The following PTCHD4 variants were observed in gnomAD, a reference collection of about 807,000 sequenced individuals.
The protein encoded by PTCHD4 is patched domain-containing protein 4.
In PTCHD4, 33 loss-of-function variants were observed where a neutral mutation model predicts 58.1. The ratio of observed to expected loss-of-function variants is 0.57; its 90% confidence interval spans 0.43 to 0.76. The LOEUF (loss-of-function observed/expected upper bound fraction) is 0.76, where lower values mean the gene tolerates loss of function less well. Ranked by LOEUF, PTCHD4 falls within the 30% of genes least tolerant of loss-of-function variation. The pLI is 0.00. For missense variants in PTCHD4, 1,058 were observed against 1,027.1 expected, an observed-to-expected ratio of 1.03 and a Z score of -0.41; for synonymous variants, 478 against 409.6, an observed-to-expected ratio of 1.17 and a Z score of -2.02.
intron 4 of PTCHD4, among the ~76,000 whole-genome samples, chr6:47,916,566 G>C (rs1050051065): frequency 6.6e-6 from 1 of 152,074 alleles, no homozygotes; most frequent in African/African-American, 2.4e-5. Context: ...ACCTAGAAAA[G>C]GGGGGCAGAA....
chr6:47,987,708 T>C (rs12204184), intron 4 of PTCHD4, among the ~76,000 whole-genome samples: 40,621 of 152,000 alleles, frequency 0.27, 5,552 homozygotes, highest in South Asian at 0.35. Flanking sequence ...AAACTTGGAT[T>C]TCCAAAGCCA....
At chr6:48,018,954 A>G (rs1762961738) in intron 3 of PTCHD4, among the ~76,000 whole-genome samples, 1 of 152,210 alleles carries the variant, frequency 6.6e-6, no homozygotes, top group African/African-American at 2.4e-5. Context: ...GGACTAAGAA[A>G]TTCTCTTCTA....
chr6:48,106,676 A>G (rs1025537695), intron 1 of PTCHD4, among the ~76,000 whole-genome samples: 29 of 152,348 alleles, frequency 1.9e-4, no homozygotes, highest in African/African-American at 6.5e-4. Context: ...CTGTTTGCAG[A>G]TGACATGATT....
chr6:47,865,262 C>G lies in PTCHD4; in HGVS notation c.*13041G>C, dbSNP rs1180852278. On this transcript the variant is annotated 3_prime_UTR_variant, in exon 5 of 5. Coordinates refer to ENST00000339488, the MANE Select transcript of PTCHD4 (RefSeq NM_001384253.1). ...GTTCCTAAGATATTCGTTTCTTCCT[C>G]TTTGACTCATCTTTTATTTACTGAA... Among the ~76,000 whole-genome samples, 1 of 151,854 alleles carries G rather than the reference C, an allele frequency of 6.6e-6. No individual in the cohort carries two copies. The highest frequency in any genetic ancestry group is 1.5e-5 in the Non-Finnish European group (1 of 67,906).
intron 3 of PTCHD4, among the ~76,000 whole-genome samples, chr6:48,065,050 A>G (rs1163102933): frequency 1.3e-5 from 2 of 152,008 alleles, no homozygotes; most frequent in Admixed American, 1.3e-4. Context: ...GCTTGTCTGG[A>G]TCACCTTGTC....
Position 48,001,248 on chromosome 6 carries a change from G to A in PTCHD4, c.898+7386C>T, listed in dbSNP as rs538017440. Among the ~76,000 whole-genome samples, 12 of 152,166 alleles carry A rather than the reference G, an allele frequency of 7.9e-5. 1 individual carries two copies. In the South Asian group the frequency reaches 2.5e-3, roughly 32 times the overall value. On this transcript the variant is annotated intron_variant, in intron 4 of 4. Transcript: ENST00000339488. ...CAATGACTTTCTTCACAGAATTGGA[G>A]AAAACTACTTTAAAGTTCATATGGA... is the stretch of plus-strand genomic sequence containing the variant.
intron 4 of PTCHD4, among the ~76,000 whole-genome samples, chr6:47,973,201 T>A (rs1194863888): frequency 6.6e-6 from 1 of 152,176 alleles, no homozygotes; most frequent in African/African-American, 2.4e-5. Context: ...TATAATTAAT[T>A]TTCTTGAACA....
At chr6:47,966,043 A>G (rs1376228339) in intron 4 of PTCHD4, among the ~76,000 whole-genome samples, 2 of 152,250 alleles carry the variant, frequency 1.3e-5, no homozygotes, top group African/African-American at 4.8e-5. Context: ...TAAGAGATAG[A>G]TGACATACTT....
At chr6:47,950,823 T>C (rs1300600532) in intron 4 of PTCHD4, among the ~76,000 whole-genome samples, 1 of 151,924 alleles carries the variant, frequency 6.6e-6, no homozygotes, top group African/African-American at 2.4e-5. Flanking sequence ...GTTGGGAAGA[T>C]GAAGAAAAAC....
chr6:47,969,436 T>A (rs1359739332), intron 4 of PTCHD4, among the ~76,000 whole-genome samples: 2 of 152,238 alleles, frequency 1.3e-5, no homozygotes, highest in Non-Finnish European at 2.9e-5. Context: ...TGAAAAATTA[T>A]TTGTTGCATT....
At chr6:47,909,323 T>A (rs1198425065) in intron 4 of PTCHD4, among the ~76,000 whole-genome samples, 2 of 152,138 alleles carry the variant, frequency 1.3e-5, no homozygotes, top group Non-Finnish European at 2.9e-5. Flanking sequence ...TGATGTAGAT[T>A]AGTATGTAAG....
intron 4 of PTCHD4, among the ~76,000 whole-genome samples, chr6:47,972,097 T>A (rs1767534533): frequency 1.3e-5 from 2 of 152,156 alleles, no homozygotes; most frequent in African/African-American, 2.4e-5. Context: ...TAATAAATGA[T>A]GGTAAAACAA....
At chr6:47,937,060 C>G (rs924594869) in intron 4 of PTCHD4, among the ~76,000 whole-genome samples, 2 of 152,148 alleles carry the variant, frequency 1.3e-5, no homozygotes, top group Non-Finnish European at 2.9e-5. Flanking sequence ...CAGAAGGAAT[C>G]GTAAGAAAGG....
intron 3 of PTCHD4, among the ~76,000 whole-genome samples, chr6:48,052,121 G>A (rs969436085): frequency 1.3e-5 from 2 of 151,994 alleles, no homozygotes; most frequent in Non-Finnish European, 2.9e-5. Flanking sequence ...GACAAATACA[G>A]GGAGGAGAAA....
intron 4 of PTCHD4, among the ~76,000 whole-genome samples, chr6:47,933,943 G>T (rs1214664005): frequency 6.6e-6 from 1 of 152,026 alleles, no homozygotes; most frequent in Non-Finnish European, 1.5e-5. Context: ...TGTTTCATTT[G>T]ATTATTATAC....
intron 4 of PTCHD4, chr6:47,901,962 A>G: frequency 7.9e-7 from 1 of 1,263,400 alleles, no homozygotes; most frequent in South Asian, 1.2e-5. Context: ...GCAAGTCAGT[A>G]ACAAGAGTTA....
At chr6:47,905,285 G>T (rs772203465) in intron 4 of PTCHD4, among the ~76,000 whole-genome samples, 4 of 152,172 alleles carry the variant, frequency 2.6e-5, no homozygotes, top group Non-Finnish European at 2.9e-5. Context: ...CTGCAGTAAA[G>T]AATATGAATT....
intron 3 of PTCHD4, among the ~76,000 whole-genome samples, chr6:48,042,994 T>A (rs1763898683): frequency 6.6e-6 from 1 of 151,858 alleles, no homozygotes; most frequent in Admixed American, 6.6e-5. Flanking sequence ...AGTCCCCAGC[T>A]AATGTATCAA....
At chr6:47,899,266 A>G (rs73736548) in intron 4 of PTCHD4, among the ~76,000 whole-genome samples, 3,381 of 152,314 alleles carry the variant, frequency 0.022, 126 homozygotes, top group African/African-American at 0.077. Context: ...ATGAAATAAC[A>G]TCTGATGTCT....
Sources: allele counts gnomAD v4.1 joint callset (sites outside exome capture counted in the v4.1 genomes callset), GRCh38; gene constraint gnomAD v4.1.1; transcripts MANE v1.5; gene names NCBI Gene and HGNC (gene_info 2026-07-23, HGNC 2026-07-21).